DNMT3B: variants seen among roughly 807,000 people sequenced by gnomAD.
DNMT3B encodes DNA methyltransferase 3 beta.
DNMT3B carries 37 observed loss-of-function variants against 120.2 expected under a neutral mutation model. That is an observed-to-expected ratio of 0.31 (90% CI 0.24 to 0.40). DNMT3B has a LOEUF of 0.40. DNMT3B is among the 10% of genes least tolerant of loss of function. The pLI is 1.00. For synonymous variants in DNMT3B, 412 were observed against 442.8 expected (o/e 0.93, Z 0.87); for missense variants, 878 against 1,137.3 (o/e 0.77, Z 3.28).
chr20:32,797,769 C>T (rs1271686058), intron 14 of DNMT3B, among the ~76,000 whole-genome samples: 4 of 151,974 alleles, frequency 2.6e-5, no homozygotes, highest in African/African-American at 4.8e-5. Flanking sequence ...AAGCAATTCT[C>T]GTGCCTCAGC....
At chr20:32,765,841 C>T (rs1282984594) in intron 1 of DNMT3B, among the ~76,000 whole-genome samples, 8 of 149,688 alleles carry the variant, frequency 5.3e-5, no homozygotes, top group Non-Finnish European at 7.4e-5. Context: ...CTGCAAGCTC[C>T]GCCCCTCGGG....
intron 22 of DNMT3B, among the ~76,000 whole-genome samples, chr20:32,807,179 G>A (rs1982067379): frequency 6.6e-6 from 1 of 152,212 alleles, no homozygotes; most frequent in African/African-American, 2.4e-5. Context: ...TTGGCCTGTT[G>A]GGATGACTTT....
In DNMT3B at chr20:32,772,874, AT is replaced by A. The variant is rs397960769; in HGVS notation, c.-6-7426del. 2.3e-3 allele frequency among the ~76,000 whole-genome samples: 303 copies of A among 129,370 alleles called. 1 individual carries two copies. The highest frequency in any genetic ancestry group is 6.5e-3 in the South Asian group (27 of 4,152). The allele number at this position is 129,370 out of a possible 152,430, so 84.9% of individuals were successfully genotyped here. On this transcript the variant is annotated intron_variant, in intron 1 of 22. Coordinates refer to ENST00000328111, the MANE Select transcript of DNMT3B (RefSeq NM_006892.4). ...GTCTGGTTTTTCCCTGTTTGGACACATTTTTTTTTTTTTTTTTTGAGATGGA... is the reference window on the plus strand; with the variant it reads ...GTCTGGTTTTTCCCTGTTTGGACACATTTTTTTTTTTTTTTTTGAGATGGA...
intron 20 of DNMT3B, among the ~76,000 whole-genome samples, chr20:32,803,532 CTGTTACGCTGTTGCCAT>C (rs529488933): frequency 2.6e-5 from 4 of 152,340 alleles, no homozygotes; most frequent in African/African-American, 9.6e-5. Context: ...AGGCCAGGCA[CTGTTACGCTGTTGCCAT>C]TTTCATGGTT....
At chr20:32,807,663 G>C in intron 22 of DNMT3B, 99 bp from the exon 23 acceptor site, 1 of 1,568,722 alleles carries the variant, frequency 6.4e-7, no homozygotes, top group Non-Finnish European at 8.7e-7. Context: ...ATGGGACTGA[G>C]GGATGGCGAG....
intron 7 of DNMT3B, among the ~76,000 whole-genome samples, chr20:32,789,278 C>T (rs1265668643): frequency 6.6e-6 from 1 of 152,178 alleles, no homozygotes; most frequent in Admixed American, 6.5e-5. Flanking sequence ...GCAGAATCAT[C>T]AGTGTGGACT....
At chr20:32,777,727 G>A (rs764805847) in intron 1 of DNMT3B, among the ~76,000 whole-genome samples, 1 of 152,148 alleles carries the variant, frequency 6.6e-6, no homozygotes, top group Non-Finnish European at 1.5e-5. Context: ...ATTCTGAACC[G>A]ACACCGCAGC....
At chr20:32,779,192 G>A (rs1487242020) in intron 1 of DNMT3B, among the ~76,000 whole-genome samples, 1 of 152,164 alleles carries the variant, frequency 6.6e-6, no homozygotes, top group Non-Finnish European at 1.5e-5. Flanking sequence ...GTCTCATTAT[G>A]CCTAGGCTTT....
intron 21 of DNMT3B, among the ~76,000 whole-genome samples, chr20:32,805,827 G>C (rs1981909986): frequency 6.6e-6 from 1 of 151,922 alleles, no homozygotes; most frequent in Non-Finnish European, 1.5e-5. Context: ...CTCTGTATCT[G>C]GGTGGTTTTT....
In DNMT3B at chr20:32,774,399, C is replaced by T. The variant is rs555763561; in HGVS notation, c.-6-5919C>T. Among the ~76,000 whole-genome samples the T allele has an allele frequency of 9.9e-5, 15 of 151,176 alleles. 1 individual carries two copies. Among genetic ancestry groups the T allele is most frequent in the East Asian group, 7.9e-4 (4 of 5,080 alleles). ...TAATTTTTTGTGTTTTTAGTAGAGA[C>T]GGGGTTTCATCATGTTAGCCAGGAT... On this transcript the variant is annotated intron_variant, in intron 1 of 22. Transcript: ENST00000328111.
intron 7 of DNMT3B, 59 bp downstream of exon 7, chr20:32,789,071 C>A: frequency 6.2e-7 from 1 of 1,603,772 alleles, no homozygotes; most frequent in South Asian, 1.1e-5. Flanking sequence ...GCCTGCCTCC[C>A]TTTGAAGACA....
intron 3 of DNMT3B, among the ~76,000 whole-genome samples, chr20:32,781,851 T>A (rs757544551): frequency 6.6e-6 from 1 of 152,230 alleles, no homozygotes; most frequent in Non-Finnish European, 1.5e-5. Context: ...TGCCTGTTAG[T>A]CACTTGTAGC....
At chr20:32,766,998 C>G (rs897349390) in intron 1 of DNMT3B, among the ~76,000 whole-genome samples, 1 of 152,036 alleles carries the variant, frequency 6.6e-6, no homozygotes, top group Non-Finnish European at 1.5e-5. Flanking sequence ...TCAAGTGATT[C>G]TCCTGCGTCA....
At chr20:32,795,269 G>T in intron 10 of DNMT3B, 140 bp from the exon 11 acceptor site, 3 of 1,318,066 alleles carry the variant, frequency 2.3e-6, no homozygotes, top group Admixed American at 3.4e-5. Flanking sequence ...CCCATCAAGG[G>T]GCCATATACA....
At chr20:32,802,531 T>G in intron 20 of DNMT3B, 61 bp downstream of exon 20, 1 of 1,528,930 alleles carries the variant, frequency 6.5e-7, no homozygotes, top group Non-Finnish European at 9.1e-7. Flanking sequence ...TAACAAGCTC[T>G]GACATTCAAG....
At chr20:32,773,908 G>C (rs1987897666) in intron 1 of DNMT3B, among the ~76,000 whole-genome samples, 1 of 145,686 alleles carries the variant, frequency 6.9e-6, no homozygotes, top group African/African-American at 2.6e-5. Context: ...GGTATTAACA[G>C]GCATGAGCCA....
intron 3 of DNMT3B, 75 bp from the exon 4 acceptor site, chr20:32,784,683 A>G: frequency 2.0e-6 from 3 of 1,516,500 alleles, no homozygotes; most frequent in Non-Finnish European, 2.7e-6. Flanking sequence ...AGTCTTTCAT[A>G]TTGCAGGTGC....
At chr20:32,797,116 C>T in intron 13 of DNMT3B, 71 bp from the exon 14 acceptor site, 1 of 1,606,718 alleles carries the variant, frequency 6.2e-7, no homozygotes, top group Non-Finnish European at 8.5e-7. Context: ...CCTAGGGCCT[C>T]CACCAGCAAG....
rs1239545223 is a variant in DNMT3B at position 32,792,657 on chromosome 20, C to G, written c.953C>G (p.Pro318Arg). ...KARVRAGKTF[P>R]SSPGDSLEDQ... is the part of the protein sequence containing the mutation. Reference sequence around the variant, plus strand: ...AGGGTGCGAGCTGGCAAGACCTTCCCCAGCAGCCCTGGAGACTCATTGGAG... The same window carrying G: ...AGGGTGCGAGCTGGCAAGACCTTCCGCAGCAGCCCTGGAGACTCATTGGAG... Residue 318 changes from proline (P) to arginine (R), a missense_variant, in exon 9 of 23, where the codon CCC becomes CGC. By Grantham distance (103) the Pro-to-Arg change is moderately radical. Around this residue, in one of 4 missense-constraint regions of DNMT3B, gnomAD observed 207 missense variants for 222.6 expected, o/e 0.93. Transcript: ENST00000328111. 2 of 1,614,120 alleles carry G rather than the reference C, an allele frequency of 1.2e-6. No homozygotes were observed. The highest frequency in any genetic ancestry group is 1.7e-6 in the Non-Finnish European group (2 of 1,180,056).
Sources: gnomAD v4.1 joint callset for allele counts (sites outside exome capture counted in the v4.1 genomes callset) on GRCh38, gnomAD v4.1.1 for gene constraint, gnomAD v4.1.1 regional missense constraint, MANE v1.5 for transcripts, NCBI Gene and HGNC (gene_info 2026-07-23, HGNC 2026-07-21) for gene names.